FHOD3: variants seen among roughly 807,000 people sequenced by gnomAD.
The protein encoded by FHOD3 is formin homology 2 domain containing 3.
A neutral mutation model predicts 173.0 loss-of-function variants in FHOD3; 90 were observed. That is an observed-to-expected ratio of 0.52 (90% CI 0.44 to 0.62). The LOEUF (loss-of-function observed/expected upper bound fraction) is 0.62, where lower values mean the gene tolerates loss of function less well. Among genes scored for constraint, FHOD3 ranks in the 20% least tolerant of loss-of-function variants. The pLI is 0.00. For synonymous variants in FHOD3, 828 were observed against 823.0 expected, an observed-to-expected ratio of 1.01 and a Z score of -0.10; for missense variants, 1,945 against 2,034.7, an observed-to-expected ratio of 0.96 and a Z score of 0.85.
chr18:36,550,390 C>T (rs13381428), intron 5 of FHOD3, among the ~76,000 whole-genome samples: 11,088 of 151,584 alleles, frequency 0.073, 524 homozygotes, highest in South Asian at 0.21. Flanking sequence ...TATAAGTCTT[C>T]CCATTCTGTT....
chr18:36,322,394 G>A (rs1442399551), intron 1 of FHOD3, among the ~76,000 whole-genome samples: 2 of 152,172 alleles, frequency 1.3e-5, no homozygotes, highest in Admixed American at 1.3e-4. Flanking sequence ...AGGGCAGTAA[G>A]TTGTCTGTTT....
intron 14 of FHOD3, among the ~76,000 whole-genome samples, chr18:36,673,179 C>G (rs1285604417): frequency 1.3e-5 from 2 of 152,134 alleles, no homozygotes; most frequent in African/African-American, 4.8e-5. Flanking sequence ...AGCCAAGAGA[C>G]ATTCCAAACT....
intron 5 of FHOD3, among the ~76,000 whole-genome samples, chr18:36,536,495 C>A (rs2056998148): frequency 6.6e-6 from 1 of 152,248 alleles, no homozygotes; most frequent in Non-Finnish European, 1.5e-5. Context: ...GGTCACATCG[C>A]TGTACTCTTT....
At chr18:36,325,183 T>C (rs973221473) in intron 1 of FHOD3, among the ~76,000 whole-genome samples, 1 of 151,842 alleles carries the variant, frequency 6.6e-6, no homozygotes, top group Non-Finnish European at 1.5e-5. Context: ...GGGTTTTGAC[T>C]GGCAGGGAGT....
At chr18:36,312,328 C>T (rs906978319) in intron 1 of FHOD3, among the ~76,000 whole-genome samples, 3 of 152,180 alleles carry the variant, frequency 2.0e-5, no homozygotes, top group Non-Finnish European at 4.4e-5. Context: ...ACACCTCCTC[C>T]TCACAGTCAC....
chr18:36,625,736 G>T lies in FHOD3; in HGVS notation c.1183G>T (p.Asp395Tyr). ...CAGCTTCAAGCCCAACCAAGTGCGA[G>T]ATCTGCGTGAAAAGTAAGCATTAAC... ...APSFKPNQVR[D>Y]LREKEEEEEE... Residue 395 changes from aspartate (D) to tyrosine (Y), a missense_variant, in exon 10 of 29, where the codon GAT becomes TAT. Physicochemically the swap from Asp to Tyr is radical, Grantham distance 160. Coordinates refer to ENST00000590592, the MANE Select transcript of FHOD3 (RefSeq NM_001281740.3). 1 of 1,608,020 alleles carries T rather than the reference G, an allele frequency of 6.2e-7. No individual in the cohort carries two copies. Among genetic ancestry groups the T allele is most frequent in the Non-Finnish European group, 8.5e-7 (1 of 1,176,380 alleles).
At chr18:36,551,938 C>A (rs560851980) in intron 5 of FHOD3, among the ~76,000 whole-genome samples, 1 of 152,304 alleles carries the variant, frequency 6.6e-6, no homozygotes, top group Admixed American at 6.5e-5. Flanking sequence ...CGTGATGCCT[C>A]CAGCTTTGTT....
chr18:36,679,675 A>G (rs2038104859), intron 14 of FHOD3, among the ~76,000 whole-genome samples: 1 of 151,644 alleles, frequency 6.6e-6, no homozygotes, highest in African/African-American at 2.4e-5. Flanking sequence ...AGTTTTTCCA[A>G]TTATATGGAT....
chr18:36,711,090 T>C (rs1233563693), intron 18 of FHOD3: 1 of 152,212 alleles, frequency 6.6e-6, no homozygotes, highest in African/African-American at 2.4e-5. Flanking sequence ...TGTCCAAGTA[T>C]TTAGAAGCAG....
chr18:36,477,871 C>G (rs4477794), intron 3 of FHOD3, among the ~76,000 whole-genome samples: 68,959 of 151,862 alleles, frequency 0.45, 15,969 homozygotes, highest in South Asian at 0.58. Context: ...GGCAGAGTCT[C>G]TGGACTGGGA....
intron 5 of FHOD3, among the ~76,000 whole-genome samples, chr18:36,569,824 T>A (rs112055436): frequency 2.1e-4 from 32 of 152,252 alleles, no homozygotes; most frequent in African/African-American, 7.2e-4. Context: ...TTCTAAATAA[T>A]CCATGTGTTG....
At chr18:36,502,053 A>G in intron 4 of FHOD3, 54 bp downstream of exon 4, 1 of 1,226,600 alleles carries the variant, frequency 8.2e-7, no homozygotes, top group Non-Finnish European at 1.2e-6. Flanking sequence ...GTGAAATTAG[A>G]TACAGGCAAG....
chr18:36,507,221 G>A (rs755809998), intron 4 of FHOD3, among the ~76,000 whole-genome samples: 1 of 152,164 alleles, frequency 6.6e-6, no homozygotes, highest in African/African-American at 2.4e-5. Context: ...CACCCACATG[G>A]GTGGCTAAGA....
intron 14 of FHOD3, among the ~76,000 whole-genome samples, chr18:36,672,934 G>A (rs1200883976): frequency 6.6e-6 from 1 of 151,746 alleles, no homozygotes; most frequent in Admixed American, 6.6e-5. Flanking sequence ...TTTCTTCTGG[G>A]CTTAGTGCAA....
chr18:36,336,262 C>T (rs2045303564), intron 1 of FHOD3, among the ~76,000 whole-genome samples: 1 of 152,168 alleles, frequency 6.6e-6, no homozygotes, highest in Admixed American at 6.5e-5. Flanking sequence ...CGGAAAGGAA[C>T]CTGAGTTGAG....
intron 9 of FHOD3, among the ~76,000 whole-genome samples, chr18:36,618,306 T>G (rs2033396281): frequency 7.3e-6 from 1 of 137,674 alleles, no homozygotes; most frequent in Non-Finnish European, 1.5e-5. Context: ...TGATGTTTTT[T>G]GGTGGTTTTT....
Position 36,528,255 on chromosome 18 carries a change from T to C in FHOD3, c.511+15712T>C, listed in dbSNP as rs569980581. ...AAGGAAAGCCCCACAAGATAAGATCTTGAGCATAGCCAGAGGCTGTCTGTG... is the reference window on the plus strand; with the variant it reads ...AAGGAAAGCCCCACAAGATAAGATCCTGAGCATAGCCAGAGGCTGTCTGTG... On this transcript the variant is annotated intron_variant, in intron 5 of 28. Coordinates refer to ENST00000590592, the MANE Select transcript of FHOD3 (RefSeq NM_001281740.3). 4.6e-5 allele frequency among the ~76,000 whole-genome samples: 7 copies of C among 152,206 alleles called. No individual in the cohort carries two copies. The South Asian group carries it at 1.4e-3, about 31-fold the overall frequency.
At chr18:36,551,678 G>A (rs2057663511) in intron 5 of FHOD3, among the ~76,000 whole-genome samples, 2 of 152,134 alleles carry the variant, frequency 1.3e-5, no homozygotes, top group South Asian at 2.1e-4. Context: ...TTTGTATAAG[G>A]TGTAAGGAAG....
At chr18:36,637,817 C>A (rs1408706392) in intron 10 of FHOD3, among the ~76,000 whole-genome samples, 1 of 152,148 alleles carries the variant, frequency 6.6e-6, no homozygotes, top group Non-Finnish European at 1.5e-5. Flanking sequence ...CTTACTGCAT[C>A]CCTGTGGTAC....
Sources: allele counts gnomAD v4.1 joint callset (sites outside exome capture counted in the v4.1 genomes callset), GRCh38; gene constraint gnomAD v4.1.1; transcripts MANE v1.5; gene names NCBI Gene and HGNC (gene_info 2026-07-23, HGNC 2026-07-21).